Variants in SNTB2 observed in about 807,000 individuals in gnomAD.
The protein encoded by SNTB2 is syntrophin beta 2.
A neutral mutation model predicts 46.2 loss-of-function variants in SNTB2; 34 were observed. The ratio of observed to expected loss-of-function variants is 0.74; its 90% CI spans 0.56 to 0.98. The LOEUF (loss-of-function observed/expected upper bound fraction) is 0.98. Ranked by LOEUF, SNTB2 falls within the 50% of genes least tolerant of loss-of-function variation. SNTB2 has a pLI of 0.00. For synonymous variants in SNTB2, 290 were observed against 312.6 expected, an observed-to-expected ratio of 0.93 and a Z score of 0.76; for missense variants, 603 against 731.4, an observed-to-expected ratio of 0.82 and a Z score of 2.02.
chr16:69,252,579 A>G (rs938279360), intron 2 of SNTB2, among the ~76,000 whole-genome samples: 3 of 152,208 alleles, frequency 2.0e-5, no homozygotes, highest in Non-Finnish European at 4.4e-5. Context: ...TAATGTGTAC[A>G]ATTATATGAT....
chr16:69,202,380 G>T (rs142228333), intron 1 of SNTB2, among the ~76,000 whole-genome samples: 362 of 150,612 alleles, frequency 2.4e-3, no homozygotes, highest in Admixed American at 3.8e-3. Flanking sequence ...AATGTAGGCT[G>T]TGAACTTTAT....
intron 1 of SNTB2, among the ~76,000 whole-genome samples, chr16:69,234,190 G>A (rs1180577878): frequency 1.3e-5 from 2 of 152,158 alleles, no homozygotes; most frequent in African/African-American, 4.8e-5. Context: ...AAAATTAGCT[G>A]GGTGCTGTGG....
intron 1 of SNTB2, among the ~76,000 whole-genome samples, chr16:69,240,156 A>G (rs1241420930): frequency 2.0e-5 from 3 of 152,290 alleles, no homozygotes; most frequent in Admixed American, 2.0e-4. Flanking sequence ...TATTAATTAC[A>G]TTATTATTTT....
In SNTB2 at chr16:69,235,160, C is replaced by T. The variant is rs147978963; in HGVS notation, c.581-10442C>T. Among the ~76,000 whole-genome samples, 170 of 151,920 alleles carry T rather than the reference C, an allele frequency of 1.1e-3. 2 individuals are homozygous for T. Among genetic ancestry groups the T allele is most frequent in the African/African-American group, 3.6e-3 (150 of 41,458 alleles). ...CTGAGTAGCTGGGATTACAGGCGCA[C>T]GCCACCATGCCCAGCTAATTTTTTT... On this transcript the variant is annotated intron_variant, in intron 1 of 6. Transcript: ENST00000336278.
chr16:69,190,383 C>T (rs1450411473), intron 1 of SNTB2, among the ~76,000 whole-genome samples: 1 of 152,170 alleles, frequency 6.6e-6, no homozygotes, highest in Non-Finnish European at 1.5e-5. Flanking sequence ...TCCTTTTTAT[C>T]TCAGGGATTT....
chr16:69,290,938 A>G (rs534424044), intron 5 of SNTB2, among the ~76,000 whole-genome samples: 1 of 152,356 alleles, frequency 6.6e-6, no homozygotes, highest in Non-Finnish European at 1.5e-5. Context: ...TCTGAAGGAT[A>G]TACAATATCA....
At chr16:69,272,445 C>T (rs1016889171) in intron 4 of SNTB2, among the ~76,000 whole-genome samples, 4 of 147,288 alleles carry the variant, frequency 2.7e-5, no homozygotes, top group Non-Finnish European at 5.9e-5. Context: ...GAGGCTGAGG[C>T]AGAAGAATTG....
chr16:69,278,889 AGTGTGTGTGTGTGTGTGTGTGTGTGT>A (rs71148981), intron 4 of SNTB2, among the ~76,000 whole-genome samples: 1 of 140,912 alleles, frequency 7.1e-6, no homozygotes, highest in African/African-American at 2.6e-5. Context: ...AGGTGGGAAG[AGTGTGTGTGTGTGTGTGTGTGTGTGT>A]GTGTGTGTGT....
chr16:69,203,243 C>T (rs1455140991), intron 1 of SNTB2, among the ~76,000 whole-genome samples: 2 of 152,084 alleles, frequency 1.3e-5, no homozygotes, highest in African/African-American at 4.8e-5. Flanking sequence ...GTCTCGAACT[C>T]CTGACCTCAG....
intron 1 of SNTB2, among the ~76,000 whole-genome samples, chr16:69,240,013 T>C (rs1964595633): frequency 2.6e-5 from 4 of 152,228 alleles, no homozygotes; most frequent in Admixed American, 2.6e-4. Context: ...TATCACAGTT[T>C]ATCCATTCAC....
chr16:69,195,301 C>T (rs1393685264), intron 1 of SNTB2, among the ~76,000 whole-genome samples: 1 of 151,954 alleles, frequency 6.6e-6, no homozygotes, highest in Non-Finnish European at 1.5e-5. Flanking sequence ...GACAGGGTTT[C>T]ACTCTGTTGC....
chr16:69,278,457 G>GGT lies in SNTB2; in HGVS notation c.1149-5591_1149-5590insGT, dbSNP rs1567413087. ...TGTATACTTCACTTTTTTTTGTAGGGTTTTTTTTTTTTTTTTGAGACGGAG... is the reference window on the plus strand; with the variant it reads ...TGTATACTTCACTTTTTTTTGTAGGGGTTTTTTTTTTTTTTTTTGAGACGGAG... On this transcript the variant is annotated intron_variant, in intron 4 of 6. Coordinates refer to ENST00000336278, the MANE Select transcript of SNTB2 (RefSeq NM_006750.4). Among the ~76,000 whole-genome samples the GGT allele has an allele frequency of 6.4e-5, 9 of 140,304 alleles. 1 individual carries two copies. Among genetic ancestry groups the GGT allele is most frequent in the Non-Finnish European group, 6.2e-5 (4 of 64,364 alleles). 92.0% of individuals were successfully genotyped at this position (140,304 alleles called of 152,430 possible).
rs578161043 is a variant in SNTB2 at position 69,266,279 on chromosome 16, G to A, written c.1006-3864G>A. ...CTCAAGAGGGTTAGGCAGGAGAATC[G>A]CTTCAACCTGGGAGATGGAGGTTGC... On this transcript the variant is annotated intron_variant, in intron 3 of 6. Transcript: ENST00000336278. Among the ~76,000 whole-genome samples, 7 of 152,266 alleles carry A rather than the reference G, an allele frequency of 4.6e-5. No individual in the cohort carries two copies. The South Asian group carries it at 8.3e-4, about 18-fold the overall frequency.
chr16:69,257,416 T>C (rs535480498), intron 2 of SNTB2, among the ~76,000 whole-genome samples: 1 of 32,754 alleles, frequency 3.1e-5, no homozygotes, highest in Non-Finnish European at 5.4e-5. Context: ...TCATGACTCT[T>C]ATTTATTTAT....
intron 5 of SNTB2, among the ~76,000 whole-genome samples, chr16:69,290,587 T>TA: frequency 6.8e-6 from 1 of 148,084 alleles, no homozygotes; most frequent in Non-Finnish European, 1.5e-5. Flanking sequence ...GAGTCCTTTT[T>TA]ACTCATCGGT....
chr16:69,290,665 C>A (rs1965151489), intron 5 of SNTB2, among the ~76,000 whole-genome samples: 1 of 151,966 alleles, frequency 6.6e-6, no homozygotes, highest in African/African-American at 2.4e-5. Context: ...TAAGCATAGC[C>A]CCTATTTTTC....
chr16:69,207,421 G>C (rs376169530), intron 1 of SNTB2, among the ~76,000 whole-genome samples: 90 of 152,184 alleles, frequency 5.9e-4, no homozygotes, highest in Middle Eastern at 3.4e-3. Flanking sequence ...GCCTCCCAAA[G>C]TGCTGGGATT....
At position 69,246,070 on chromosome 16, in the gene SNTB2, A is replaced by C. The variant is rs891943392; in HGVS notation, c.794+255A>C. Among the ~76,000 whole-genome samples, 5 of 152,328 alleles carry C rather than the reference A, an allele frequency of 3.3e-5. 1 individual carries two copies. The Middle Eastern group carries it at 0.017, about 518-fold the overall frequency. ...GGTGTCAAATAAGACTAAAGGGGTG[A>C]AAGAAAGAGGGGGCATCTTTTCTTC... On this transcript the variant is annotated intron_variant, in intron 2 of 6. Coordinates refer to ENST00000336278, the MANE Select transcript of SNTB2 (RefSeq NM_006750.4).
intron 2 of SNTB2, among the ~76,000 whole-genome samples, chr16:69,252,055 T>C (rs1243813219): frequency 6.6e-6 from 1 of 152,270 alleles, no homozygotes; most frequent in Admixed American, 6.5e-5. Flanking sequence ...GTCTTTTTAA[T>C]ATTTACCTTT....
Sources: allele counts gnomAD v4.1 joint callset (sites outside exome capture counted in the v4.1 genomes callset), GRCh38; gene constraint gnomAD v4.1.1; transcripts MANE v1.5; gene names NCBI Gene and HGNC (gene_info 2026-07-23, HGNC 2026-07-21).